The following CACNA2D2 variants were observed in gnomAD, a reference collection of about 807,000 sequenced individuals.
CACNA2D2 encodes calcium voltage-gated channel auxiliary subunit alpha2delta 2, also known as voltage-dependent calcium channel subunit alpha-2/delta-2.
Under a neutral mutation model 166.4 loss-of-function variants are expected in CACNA2D2, and 48 were observed. The observed-to-expected ratio is 0.29, with a 90% CI of 0.23 to 0.37. The LOEUF (loss-of-function observed/expected upper bound fraction) is 0.37, where lower values mean the gene tolerates loss of function less well. Ranked by LOEUF, CACNA2D2 falls within the 10% of genes least tolerant of loss-of-function variation. The pLI is 1.00. For synonymous variants in CACNA2D2, 561 were observed against 573.7 expected (o/e 0.98, Z 0.32); for missense variants, 1,122 against 1,433.0 (o/e 0.78, Z 3.50).
At chr3:50,484,169 T>C (rs1314369249) in intron 1 of CACNA2D2, among the ~76,000 whole-genome samples, 2 of 152,202 alleles carry the variant, frequency 1.3e-5, no homozygotes, top group Non-Finnish European at 2.9e-5. Context: ...CTGGGTGACC[T>C]AGAACCCGCT....
chr3:50,396,968 G>T (rs1194075371), intron 3 of CACNA2D2, among the ~76,000 whole-genome samples: 1 of 152,184 alleles, frequency 6.6e-6, no homozygotes, highest in Non-Finnish European at 1.5e-5. Flanking sequence ...GCTGGGCCAT[G>T]ACCCTGAGGA....
At chr3:50,410,785 T>TTA (rs1706974284) in intron 3 of CACNA2D2, among the ~76,000 whole-genome samples, 1 of 152,100 alleles carries the variant, frequency 6.6e-6, no homozygotes, top group African/African-American at 2.4e-5. Flanking sequence ...GTCTGTGGCT[T>TTA]TAGTGGGAGT....
Position 50,376,091 on chromosome 3 carries a change from T to C in CACNA2D2, c.1701+23A>G, listed in dbSNP as rs1358847580. 6.2e-7 allele frequency: 1 copy of C among 1,613,326 alleles called. No individual in the cohort carries two copies. Among genetic ancestry groups the C allele is most frequent in the Admixed American group, 1.7e-5 (1 of 60,016 alleles). Reference sequence around the variant, plus strand: ...CCCATTGTGGAAGGTTTGCCCACCCTCCAGGCCACCCGTCTGGCTCACCTG... The same window carrying C: ...CCCATTGTGGAAGGTTTGCCCACCCCCCAGGCCACCCGTCTGGCTCACCTG... On this transcript the variant is annotated intron_variant, in intron 18 of 37. Coordinates refer to ENST00000424201, the MANE Select transcript of CACNA2D2 (RefSeq NM_006030.4). The surrounding 1 kb of genome is among the most constrained non-coding windows in gnomAD (Gnocchi z 4.3).
chr3:50,395,648 G>A (rs1706113238), intron 3 of CACNA2D2, among the ~76,000 whole-genome samples: 2 of 152,216 alleles, frequency 1.3e-5, no homozygotes, highest in South Asian at 4.1e-4. Context: ...CCCATTAGGG[G>A]AAGTGGAAGT....
chr3:50,451,560 T>C (rs1709106178), intron 2 of CACNA2D2, among the ~76,000 whole-genome samples: 1 of 152,224 alleles, frequency 6.6e-6, no homozygotes, highest in Admixed American at 6.5e-5. Flanking sequence ...GCTGAGCAGA[T>C]ACCCTCTGCA....
intron 3 of CACNA2D2, among the ~76,000 whole-genome samples, chr3:50,406,861 C>T (rs1706738197): frequency 6.6e-6 from 1 of 151,864 alleles, no homozygotes; most frequent in Admixed American, 6.6e-5. Context: ...GCTACCTGCA[C>T]CATCACCTCT....
In CACNA2D2 at chr3:50,366,022, C is replaced by G. The variant is rs777865147; in HGVS notation, c.2851G>C (p.Gly951Arg). ...PPGNLGAAPR[G>R]VFVPTVADFL... ...CTCTGGGGACTCACCACAAAGACAC[C>G]CCGGGGTGCAGCACCCAGGTTGCCA... The change falls in exon 32 of 38, where the codon GGT becomes CGT. Residue 951 changes from glycine (G) to arginine (R), a missense_variant. Around this residue, in one of 2 missense-constraint regions of CACNA2D2, gnomAD observed 282 missense variants for 266.2 expected, o/e 1.06. Coordinates refer to ENST00000424201, the MANE Select transcript of CACNA2D2 (RefSeq NM_006030.4). This position sits in a 1 kb window ranked among gnomAD's most constrained non-coding sequence, Gnocchi z 5.9. The G allele has an allele frequency of 6.2e-7, 1 of 1,612,594 alleles. No homozygotes were observed. Among genetic ancestry groups the G allele is most frequent in the Non-Finnish European group, 8.5e-7 (1 of 1,179,570 alleles).
At chr3:50,428,581 T>C (rs1391039840) in intron 3 of CACNA2D2, among the ~76,000 whole-genome samples, 1 of 152,228 alleles carries the variant, frequency 6.6e-6, no homozygotes, top group Non-Finnish European at 1.5e-5. Context: ...ATGATGCTCA[T>C]TCCCCAGAGA....
chr3:50,394,654 C>T (rs972548076), intron 3 of CACNA2D2, among the ~76,000 whole-genome samples: 2 of 152,256 alleles, frequency 1.3e-5, no homozygotes, highest in Non-Finnish European at 2.9e-5. Flanking sequence ...GAGCCCCTTC[C>T]CACAGGGCTC....
At chr3:50,422,041 C>T (rs549439823) in intron 3 of CACNA2D2, among the ~76,000 whole-genome samples, 11 of 152,226 alleles carry the variant, frequency 7.2e-5, no homozygotes, top group African/African-American at 2.6e-4. Context: ...CGCCAGAGAT[C>T]CCCTGACCCA....
intron 1 of CACNA2D2, among the ~76,000 whole-genome samples, chr3:50,481,269 C>T (rs1575758921): frequency 6.6e-6 from 1 of 152,120 alleles, no homozygotes; most frequent in East Asian, 1.9e-4. Context: ...GGGTCAAGGC[C>T]TGGTAGGGAG....
intron 2 of CACNA2D2, among the ~76,000 whole-genome samples, chr3:50,455,789 G>A (rs1459359153): frequency 6.6e-6 from 1 of 152,198 alleles, no homozygotes; most frequent in Non-Finnish European, 1.5e-5. Flanking sequence ...GCGATGGAAA[G>A]GCTTCCTCCG....
At chr3:50,501,637 G>C (rs1382630916) in intron 1 of CACNA2D2, among the ~76,000 whole-genome samples, 11 of 152,198 alleles carry the variant, frequency 7.2e-5, no homozygotes, top group Non-Finnish European at 1.6e-4. Flanking sequence ...AAGGGAGTGA[G>C]GTCGGGAGAG....
chr3:50,490,443 T>C (rs743856), intron 1 of CACNA2D2, among the ~76,000 whole-genome samples: 45,613 of 151,722 alleles, frequency 0.3, 10,165 homozygotes, highest in East Asian at 0.65. Flanking sequence ...GGACCCTGCC[T>C]CCCACCCCAT....
At chr3:50,498,155 A>C (rs1429075742) in intron 1 of CACNA2D2, among the ~76,000 whole-genome samples, 2 of 152,152 alleles carry the variant, frequency 1.3e-5, no homozygotes, top group African/African-American at 4.8e-5. Context: ...CTCCTATCTT[A>C]CAGGCAACAT....
chr3:50,376,277 G>A lies in CACNA2D2; in HGVS notation c.1627-89C>T, dbSNP rs900640981. The A allele has an allele frequency of 1.5e-4, 199 of 1,326,080 alleles. No homozygotes were observed. Among genetic ancestry groups the A allele is most frequent in the Non-Finnish European group, 1.9e-4 (179 of 947,756 alleles). The allele number at this position is 1,326,080 out of a possible 1,614,324, so 82.1% of individuals were successfully genotyped here. A position where few individuals can be genotyped will look rare whatever the true frequency, so the allele number is the denominator to read the frequency against. ...GTTCTTCCCTATTTGGCCTCCCACC[G>A]CACCGAGAGATTCTGTTTGCCTGCC... On this transcript the variant is annotated intron_variant, in intron 17 of 37. Transcript: ENST00000424201. The surrounding 1 kb of genome is among the most constrained non-coding windows in gnomAD (Gnocchi z 4.3).
At chr3:50,394,031 A>G (rs1424967421) in intron 4 of CACNA2D2, 78 bp downstream of exon 4, 2 of 1,309,660 alleles carry the variant, frequency 1.5e-6, no homozygotes, top group Non-Finnish European at 1.1e-6. Context: ...GTGTCTGGGC[A>G]GCTCCCACCC....
At chr3:50,472,462 A>G (rs1710138729) in intron 2 of CACNA2D2, among the ~76,000 whole-genome samples, 1 of 152,164 alleles carries the variant, frequency 6.6e-6, no homozygotes, top group African/African-American at 2.4e-5. Context: ...AGCTCTGGCC[A>G]GGCAGCTCTA....
At chr3:50,416,763 T>C (rs774068236) in intron 3 of CACNA2D2, among the ~76,000 whole-genome samples, 4 of 152,130 alleles carry the variant, frequency 2.6e-5, no homozygotes, top group Non-Finnish European at 2.9e-5. Flanking sequence ...GTCTGTAAAA[T>C]AGAGATCTTC....
Sources: allele counts gnomAD v4.1 joint callset (sites outside exome capture counted in the v4.1 genomes callset), GRCh38; gene constraint gnomAD v4.1.1; regional missense constraint gnomAD v4.1.1; non-coding constraint Gnocchi (gnomAD v3.1); transcripts MANE v1.5; gene names NCBI Gene and HGNC (gene_info 2026-07-23, HGNC 2026-07-21).